LIPG: variants seen among roughly 807,000 people sequenced by gnomAD.
The protein encoded by LIPG is endothelial lipase.
A neutral mutation model predicts 51.8 loss-of-function variants in LIPG; 34 were observed. That is an observed-to-expected ratio of 0.66 (90% CI 0.50 to 0.87). The LOEUF (loss-of-function observed/expected upper bound fraction) is 0.87, where lower values mean the gene tolerates loss of function less well. Ranked by LOEUF, LIPG falls within the 40% of genes least tolerant of loss-of-function variation. The pLI is 0.00. For missense variants in LIPG, 580 were observed against 652.7 expected (o/e 0.89, Z 1.21); for synonymous variants, 246 against 246.1 (o/e 1.00, Z 0.00).
At position 49,590,986 on chromosome 18, in the gene LIPG, G is replaced by T. The variant is rs893612168; in HGVS notation, c.*464G>T. On this transcript the variant is annotated 3_prime_UTR_variant, in exon 10 of 10. Coordinates refer to ENST00000261292, the MANE Select transcript of LIPG (RefSeq NM_006033.4). ...GACTCATGTCAGGATGGCAGGCCTG[G>T]TATCTTGCTCGGGCCCTAGCTGTTG... is the stretch of plus-strand genomic sequence containing the variant. 7 of 262,486 alleles carry T rather than the reference G, an allele frequency of 2.7e-5. No homozygotes were observed. Among genetic ancestry groups the T allele is most frequent in the South Asian group, 4.9e-5 (1 of 20,388 alleles). The allele number at this position is 262,486 out of a possible 1,614,324, so 16.3% of individuals were successfully genotyped here.
chr18:49,583,101 A>G (rs1485449956), intron 7 of LIPG, among the ~76,000 whole-genome samples: 2 of 152,156 alleles, frequency 1.3e-5, no homozygotes, highest in Non-Finnish European at 2.9e-5. Context: ...GGGGAGACAG[A>G]TGCCTGTCTG....
Position 49,564,659 on chromosome 18 carries a change from A to C in LIPG, c.98-658A>C, listed in dbSNP as rs149791271. On this transcript the variant is annotated intron_variant, in intron 1 of 9. Coordinates refer to ENST00000261292, the MANE Select transcript of LIPG (RefSeq NM_006033.4). ...GCAGGTCAACAGCCTCTTGCCTCCA[A>C]TTCCAAAATCCACAAACTCTCAAAA... 7.9e-5 allele frequency among the ~76,000 whole-genome samples: 12 copies of C among 152,338 alleles called. No homozygotes were observed. The East Asian group carries it at 2.3e-3, about 29-fold the overall frequency.
rs1305309421 is a variant in LIPG, at chr18:49,572,866, G to A, written c.572-2503G>A. 2.6e-5 allele frequency among the ~76,000 whole-genome samples: 4 copies of A among 152,330 alleles called. No individual in the cohort carries two copies. The East Asian group carries it at 7.7e-4, about 29-fold the overall frequency. ...ATTTGCTGGACAAAGCAACTTTGGAGGAGTCTATGACTGAATGGAAGAAGC... is the reference window on the plus strand; with the variant it reads ...ATTTGCTGGACAAAGCAACTTTGGAAGAGTCTATGACTGAATGGAAGAAGC... On this transcript the variant is annotated intron_variant, in intron 4 of 9. Transcript: ENST00000261292.
At chr18:49,567,310 C>T in intron 2 of LIPG, 132 bp from the exon 3 acceptor site, 1 of 869,504 alleles carries the variant, frequency 1.2e-6, no homozygotes. Context: ...GCACTCCAGC[C>T]TGGGCAACAG....
At chr18:49,587,165 T>C (rs1486158317) in intron 9 of LIPG, among the ~76,000 whole-genome samples, 1 of 150,934 alleles carries the variant, frequency 6.6e-6, no homozygotes, top group Non-Finnish European at 1.5e-5. Flanking sequence ...TCCCAGCTAC[T>C]TGGGAGGTTG....
In LIPG at chr18:49,594,824, G is replaced by A. The variant is rs756312811; in HGVS notation, c.*4302G>A. 4.6e-5 allele frequency: 7 copies of A among 152,226 alleles called. No homozygotes were observed. Among genetic ancestry groups the A allele is most frequent in the African/African-American group, 1.2e-4 (5 of 41,458 alleles). The allele number at this position is 152,226 out of a possible 1,614,324, so 9.4% of individuals were successfully genotyped here. A position where few individuals can be genotyped will look rare whatever the true frequency, so the allele number is the denominator to read the frequency against. Reference sequence around the variant, plus strand: ...ATAATGGCTGTAGGGAGTTGGGTTAGACAATAAGAGATAAGTTCTTAACTT... The same window carrying A: ...ATAATGGCTGTAGGGAGTTGGGTTAAACAATAAGAGATAAGTTCTTAACTT... On this transcript the variant is annotated 3_prime_UTR_variant, in exon 10 of 10. Coordinates refer to ENST00000261292, the MANE Select transcript of LIPG (RefSeq NM_006033.4).
intron 8 of LIPG, among the ~76,000 whole-genome samples, chr18:49,584,412 G>A (rs549888672): frequency 4.6e-5 from 7 of 152,224 alleles, no homozygotes; most frequent in East Asian, 1.9e-4. Flanking sequence ...TCCTAACACC[G>A]TGCCTGGACT....
chr18:49,579,764 CTTTCTTTTCT>C (rs60357456), intron 5 of LIPG, among the ~76,000 whole-genome samples: 5,897 of 111,918 alleles, frequency 0.053, 188 homozygotes, highest in East Asian at 0.11. Context: ...CTTTCCTTTC[CTTTCTTTTCT>C]TTTCTTTTCT....
rs1450663514 is a variant in LIPG at position 49,594,799 on chromosome 18, A to T, written c.*4277A>T. On this transcript the variant is annotated 3_prime_UTR_variant, in exon 10 of 10. Transcript: ENST00000261292. ...CCAGGACATTCTGAAACCAGGCTTG[A>T]TAATGGCTGTAGGGAGTTGGGTTAG... The T allele has an allele frequency of 6.6e-6, 1 of 152,264 alleles. No homozygotes were observed. Among genetic ancestry groups the T allele is most frequent in the African/African-American group, 2.4e-5 (1 of 41,478 alleles). 9.4% of individuals were successfully genotyped at this position (152,264 alleles called of 1,614,324 possible). A position where few individuals can be genotyped will look rare whatever the true frequency, so the allele number is the denominator to read the frequency against.
chr18:49,564,124 C>T (rs894072151), intron 1 of LIPG, among the ~76,000 whole-genome samples: 2 of 152,270 alleles, frequency 1.3e-5, no homozygotes, highest in African/African-American at 2.4e-5. Context: ...CATTCTTCCC[C>T]CTCTCTCCCT....
rs759459818 is a variant in LIPG at position 49,575,497 on chromosome 18, A to G, written c.700A>G (p.Met234Val). Residue 234 changes from methionine (M) to valine (V), a missense_variant, in exon 5 of 10, where the codon ATG (methionine) becomes GTG (valine). Coordinates refer to ENST00000261292, the MANE Select transcript of LIPG (RefSeq NM_006033.4). ...RSFGLSIGIQ[M>V]PVGHIDIYPN... ...CTTCGGCTTGAGCATTGGTATTCAGATGCCTGTGGGCCACATTGACATCTA... is the reference window on the plus strand; with the variant it reads ...CTTCGGCTTGAGCATTGGTATTCAGGTGCCTGTGGGCCACATTGACATCTA... The G allele has an allele frequency of 3.1e-6, 5 of 1,614,180 alleles. No individual in the cohort carries two copies. In the South Asian group the frequency reaches 5.5e-5, roughly 18 times the overall value.
chr18:49,587,811 A>G (rs2084899769), intron 9 of LIPG, among the ~76,000 whole-genome samples: 1 of 149,050 alleles, frequency 6.7e-6, no homozygotes, highest in Non-Finnish European at 1.5e-5. Flanking sequence ...CCTTTGAGAC[A>G]TGGTCTTACT....
intron 9 of LIPG, chr18:49,590,226 T>C (rs537879901): frequency 7.4e-6 from 4 of 543,362 alleles, no homozygotes; most frequent in Admixed American, 5.4e-5. Context: ...GGGTGGATAA[T>C]ATGTAAATGC....
rs2084955171 is a variant in LIPG, at chr18:49,592,428, A to G, written c.*1906A>G. On this transcript the variant is annotated 3_prime_UTR_variant, in exon 10 of 10. Transcript: ENST00000261292. ...GGGAATAGGACCCGAGCCTAAACAC[A>G]AAATTCATTGATGTGTCAGTTACAC... The G allele has an allele frequency of 6.6e-6, 1 of 152,242 alleles. No individual in the cohort carries two copies. The highest frequency in any genetic ancestry group is 1.9e-4 in the East Asian group (1 of 5,200). 9.4% of individuals were successfully genotyped at this position (152,242 alleles called of 1,614,324 possible).
chr18:49,573,172 G>A (rs1290328023), intron 4 of LIPG, among the ~76,000 whole-genome samples: 3 of 152,250 alleles, frequency 2.0e-5, no homozygotes, highest in African/African-American at 7.2e-5. Context: ...TTCACACCAA[G>A]TAAAGAGCCT....
intron 4 of LIPG, among the ~76,000 whole-genome samples, chr18:49,573,907 G>C (rs1451974977): frequency 6.6e-6 from 1 of 152,156 alleles, no homozygotes; most frequent in African/African-American, 2.4e-5. Context: ...GTAAGGTTTT[G>C]GTGTGGGGTG....
At chr18:49,582,286 T>G (rs41469449) in intron 6 of LIPG, 76 bp from the exon 7 acceptor site, 69,933 of 1,591,552 alleles carry the variant, frequency 0.044, 1,844 homozygotes, top group South Asian at 0.067. Flanking sequence ...TCTGTGCTGG[T>G]GACTCAGTTT....
chr18:49,568,640 C>T (rs1264143698), intron 3 of LIPG, among the ~76,000 whole-genome samples: 2 of 152,158 alleles, frequency 1.3e-5, no homozygotes, highest in African/African-American at 4.8e-5. Flanking sequence ...CTCGGCCTCC[C>T]AAAGTGCTGG....
rs2084961346 is a variant in LIPG, at chr18:49,593,059, T to C, written c.*2537T>C. 6.6e-6 allele frequency: 1 copy of C among 151,268 alleles called. No homozygotes were observed. The highest frequency in any genetic ancestry group is 2.1e-4 in the South Asian group (1 of 4,784). 9.4% of individuals were successfully genotyped at this position (151,268 alleles called of 1,614,324 possible). On this transcript the variant is annotated 3_prime_UTR_variant, in exon 10 of 10. Transcript: ENST00000261292. ...GGTCCTCCCACCTCAGCCTTCTGAG[T>C]AGCTGGGATTACAGAGATGCGTCAC...
Sources: allele counts gnomAD v4.1 joint callset (sites outside exome capture counted in the v4.1 genomes callset), GRCh38; gene constraint gnomAD v4.1.1; transcripts MANE v1.5; gene names NCBI Gene and HGNC (gene_info 2026-07-23, HGNC 2026-07-21).